ABCC8: variants seen among roughly 807,000 people sequenced by gnomAD.
ABCC8 encodes the protein ATP binding cassette subfamily C member 8, also known as ATP-binding cassette sub-family C member 8.
In ABCC8, 137 loss-of-function variants were observed where a neutral mutation model predicts 188.0. The observed-to-expected ratio is 0.73, with a 90% CI of 0.63 to 0.84. The LOEUF is 0.84. ABCC8 is among the 40% of genes least tolerant of loss of function. ABCC8 has a pLI of 0.00. For synonymous variants in ABCC8, 797 were observed against 846.5 expected (o/e 0.94, Z 1.01); for missense variants, 1,750 against 2,072.7 (o/e 0.84, Z 3.02).
chr11:17,450,050 C>T (rs1956700256), intron 7 of ABCC8, among the ~76,000 whole-genome samples: 1 of 152,184 alleles, frequency 6.6e-6, no homozygotes, highest in Non-Finnish European at 1.5e-5. Context: ...CCAGCATACA[C>T]AGAAATGCAC....
At chr11:17,432,706 A>C (rs1249218831) in intron 10 of ABCC8, among the ~76,000 whole-genome samples, 1 of 152,130 alleles carries the variant, frequency 6.6e-6, no homozygotes, top group Non-Finnish European at 1.5e-5. Context: ...TTTCAAACTC[A>C]TTCTCACTGA....
rs370698493 is a variant in ABCC8, at chr11:17,421,495, C to T, written c.2223-4533G>A. Among the ~76,000 whole-genome samples, 58 of 152,182 alleles carry T rather than the reference C, an allele frequency of 3.8e-4. 2 individuals carry two copies. The highest frequency in any genetic ancestry group is 2.1e-3 in the South Asian group (10 of 4,820). ...TGAATTCGTTTAGCAAAAAGCACTA[C>T]GGATACAGTGAGACAAACAAAATAT... On this transcript the variant is annotated intron_variant, in intron 16 of 38. Transcript: ENST00000389817.
chr11:17,433,197 C>T (rs187452540), intron 10 of ABCC8, among the ~76,000 whole-genome samples: 1 of 152,198 alleles, frequency 6.6e-6, no homozygotes, highest in Non-Finnish European at 1.5e-5. Context: ...AGCAGCCCCC[C>T]CATGGCATAA....
intron 2 of ABCC8, among the ~76,000 whole-genome samples, chr11:17,473,503 C>A (rs139390515): frequency 2.6e-5 from 4 of 152,088 alleles, no homozygotes; most frequent in Admixed American, 6.5e-5. Flanking sequence ...AGCCAGGCAG[C>A]ACTGCAGGAG....
intron 3 of ABCC8, among the ~76,000 whole-genome samples, chr11:17,466,206 C>T (rs1024180579): frequency 6.6e-5 from 10 of 152,146 alleles, no homozygotes; most frequent in African/African-American, 2.4e-4. Context: ...TGAGACCAGC[C>T]TAGCCAATAT....
chr11:17,463,583 A>C lies in ABCC8; in HGVS notation c.434T>G (p.Leu145Arg). 6.3e-7 allele frequency: 1 copy of C among 1,586,076 alleles called. No homozygotes were observed. Among genetic ancestry groups the C allele is most frequent in the Non-Finnish European group, 8.6e-7 (1 of 1,165,706 alleles). The stretch of plus-strand genomic sequence containing the variant: ...CTTGATGGTCTTGGTGATGAAGGCC[A>C]GGGTCCAATACACCAGCAGGGCTGC... ...LLIALLVYWT[L>R]AFITKTIKFV... The change falls in exon 4 of 39, where the codon CTG becomes CGG. Residue 145 changes from leucine (L) to arginine (R), a missense_variant. Physicochemically the swap from Leu to Arg is moderately radical, Grantham distance 102 (BLOSUM62 -2). Transcript: ENST00000389817.
Position 17,461,763 on chromosome 11 carries a change from C to T in ABCC8, c.642G>A (p.Gly214=), listed in dbSNP as rs767485742. The change falls in exon 5 of 39, where the codon GGG becomes GGA. Residue 214 remains glycine, a synonymous_variant. Coordinates refer to ENST00000389817, the MANE Select transcript of ABCC8 (RefSeq NM_000352.6). ...TCACGAAGGGCTGCAGGAAGCGTAC[C>T]CCCAGGTCTTGCAGGTCCTCGGGAG... ...VKPPEDLQDL[G]VRFLQPFVNL... is the part of the protein sequence containing the mutation. 3.7e-6 allele frequency: 6 copies of T among 1,614,122 alleles called. No individual in the cohort carries two copies. The highest frequency in any genetic ancestry group is 2.2e-5 in the East Asian group (1 of 44,858).
At chr11:17,405,351 C>A in intron 27 of ABCC8, 143 bp downstream of exon 27, 1 of 1,324,572 alleles carries the variant, frequency 7.5e-7, no homozygotes, top group Non-Finnish European at 1.1e-6. Context: ...CCTGAAGCAG[C>A]ATTATAATCG....
intron 10 of ABCC8, among the ~76,000 whole-genome samples, chr11:17,441,160 C>A (rs1440236243): frequency 6.6e-6 from 1 of 151,768 alleles, no homozygotes; most frequent in Non-Finnish European, 1.5e-5. Flanking sequence ...TTTCAGAGCC[C>A]AGAGATTTTT....
Position 17,393,184 on chromosome 11 carries a change from G to A in ABCC8, c.4609-56C>T, listed in dbSNP as rs148378992. 2.2e-4 allele frequency: 349 copies of A among 1,607,044 alleles called. 1 individual carries two copies. In the African/African-American group the frequency reaches 3.6e-3, roughly 16 times the overall value. On this transcript the variant is annotated intron_variant, in intron 38 of 38. Transcript: ENST00000389817. ...TGGTGGGAATACCACCCGCGGTGGG[G>A]GCCACAGCTGAGGGTGGCCCTCCTG...
chr11:17,450,973 C>A (rs189455407), intron 7 of ABCC8, among the ~76,000 whole-genome samples: 2 of 152,122 alleles, frequency 1.3e-5, no homozygotes, highest in Admixed American at 6.5e-5. Context: ...AGTCATGAGC[C>A]ATTGCGCTCC....
rs1956614036 is a variant in ABCC8, at chr11:17,448,199, C to G, written c.1332+317G>C. 1.1e-5 allele frequency: 4 copies of G among 369,620 alleles called. No individual in the cohort carries two copies. The Admixed American group carries it at 1.2e-4, about 11-fold the overall frequency. The allele number at this position is 369,620 out of a possible 1,614,324, so 22.9% of individuals were successfully genotyped here. On this transcript the variant is annotated intron_variant, in intron 8 of 38. Transcript: ENST00000389817. The stretch of plus-strand genomic sequence containing the variant: ...TCCTGTGCTCATGTAATCTTCCTGC[C>G]TCAGCCTCCCAAAGTGCTGGGATTA...
rs1343026972 is a variant in ABCC8 at position 17,427,456 on chromosome 11, C to G, written c.2117-302G>C. ...AGGCTCCTTGTGGTCCCAAGAAACACCATCCTGGGTCCCACCTCCAACCCA... is the reference window on the plus strand; with the variant it reads ...AGGCTCCTTGTGGTCCCAAGAAACAGCATCCTGGGTCCCACCTCCAACCCA... On this transcript the variant is annotated intron_variant, in intron 15 of 38. Coordinates refer to ENST00000389817, the MANE Select transcript of ABCC8 (RefSeq NM_000352.6). This position sits in a 1 kb window ranked among gnomAD's most constrained non-coding sequence, Gnocchi z 5.0. Among the ~76,000 whole-genome samples, 6 of 152,162 alleles carry G rather than the reference C, an allele frequency of 3.9e-5. No individual in the cohort carries two copies. The highest frequency in any genetic ancestry group is 9.7e-5 in the African/African-American group (4 of 41,426).
intron 24 of ABCC8, 103 bp downstream of exon 24, chr11:17,407,251 C>A (rs1954587534): frequency 1.2e-6 from 2 of 1,609,626 alleles, no homozygotes. Context: ...GCCATTTAAT[C>A]AAAGGCACAC....
Position 17,407,367 on chromosome 11 carries a change from C to T in ABCC8, c.2907G>A (p.Glu969=), listed in dbSNP as rs1954593313. ...CATTGCCTGTACCTTCCTCCTCTTC[C>T]TCATCCTGCAGAAGGCCATCCCTCG... ...MSSRDGLLQD[E]EEEEEEAAES... is the part of the protein sequence containing the mutation. Residue 969 remains glutamate (E), a synonymous_variant, in exon 24 of 39, where the codon GAG becomes GAA. Coordinates refer to ENST00000389817, the MANE Select transcript of ABCC8 (RefSeq NM_000352.6). 1 of 1,614,218 alleles carries T rather than the reference C, an allele frequency of 6.2e-7. No homozygotes were observed. The highest frequency in any genetic ancestry group is 8.5e-7 in the Non-Finnish European group (1 of 1,180,046).
At chr11:17,436,187 G>T in intron 10 of ABCC8, 1 of 718,086 alleles carries the variant, frequency 1.4e-6, no homozygotes, top group South Asian at 1.4e-5. Context: ...GCCATCTTGG[G>T]TTCTGGTCTG....
At chr11:17,460,725 C>G in intron 5 of ABCC8, 49 bp from the exon 6 acceptor site, 5 of 1,599,152 alleles carry the variant, frequency 3.1e-6, no homozygotes, top group Non-Finnish European at 4.2e-6. Flanking sequence ...GGCTAATTCA[C>G]GGCTGGGCCT....
chr11:17,450,282 CTTTCTT>C (rs935128068), intron 7 of ABCC8, among the ~76,000 whole-genome samples: 4 of 133,884 alleles, frequency 3.0e-5, no homozygotes, highest in Non-Finnish European at 4.6e-5. Context: ...TTCTTTCTTT[CTTTCTT>C]TCTTTCTTTC....
chr11:17,396,861 C>T, intron 33 of ABCC8, 55 bp downstream of exon 33: 2 of 1,603,636 alleles, frequency 1.2e-6, no homozygotes, highest in Non-Finnish European at 8.5e-7. Context: ...TCCGTGCATG[C>T]CCCATCCCCT....
Sources: allele counts gnomAD v4.1 joint callset (sites outside exome capture counted in the v4.1 genomes callset), GRCh38; gene constraint gnomAD v4.1.1; non-coding constraint Gnocchi (gnomAD v3.1); transcripts MANE v1.5; gene names NCBI Gene and HGNC (gene_info 2026-07-23, HGNC 2026-07-21).